GALNT9: variants seen among roughly 807,000 people sequenced by gnomAD.
GALNT9 encodes the protein polypeptide N-acetylgalactosaminyltransferase 9, also known as GalNAc transferase 9.
Under a neutral mutation model 63.1 loss-of-function variants are expected in GALNT9, and 47 were observed. The ratio of observed to expected loss-of-function variants is 0.75; its 90% CI spans 0.59 to 0.95. GALNT9 has a LOEUF of 0.95. Ranked by LOEUF, GALNT9 falls within the 40% of genes least tolerant of loss-of-function variation. The probability of loss-of-function intolerance (pLI) is 0.00; values close to 1 mark genes in which losing one functional copy is unlikely to be tolerated. For synonymous variants in GALNT9, 396 were observed against 365.7 expected (o/e 1.08, Z -0.94); for missense variants, 829 against 874.8 (o/e 0.95, Z 0.66).
intron 6 of GALNT9, among the ~76,000 whole-genome samples, chr12:132,226,551 C>T (rs1877696325): frequency 7.0e-6 from 1 of 143,836 alleles, no homozygotes; most frequent in Admixed American, 6.9e-5. Flanking sequence ...CAACCCACAC[C>T]CCACTGTATA....
At chr12:132,216,200 GAC>G (rs1196809474) in intron 6 of GALNT9, among the ~76,000 whole-genome samples, 1 of 152,186 alleles carries the variant, frequency 6.6e-6, no homozygotes, top group Non-Finnish European at 1.5e-5. Context: ...AGACATGAGA[GAC>G]AGACACGGAG....
At chr12:132,257,581 AGCCCTCGTCCCCG>A in intron 5 of GALNT9, 95 bp downstream of exon 5, 3 of 672,326 alleles carry the variant, frequency 4.5e-6, no homozygotes, top group South Asian at 4.2e-5. Flanking sequence ...CCTCGTCCCC[AGCCCTCGTCCCCG>A]GCCCTCATCC....
chr12:132,240,140 T>G (rs1237943522), intron 6 of GALNT9, among the ~76,000 whole-genome samples: 1 of 152,202 alleles, frequency 6.6e-6, no homozygotes, highest in Non-Finnish European at 1.5e-5. Flanking sequence ...ATTCAACAGT[T>G]GCTCCACTGA....
chr12:132,219,058 G>A (rs1239076023), intron 6 of GALNT9, among the ~76,000 whole-genome samples: 1 of 152,096 alleles, frequency 6.6e-6, no homozygotes, highest in Non-Finnish European at 1.5e-5. Flanking sequence ...GGAGCCGTTC[G>A]AGGAGAGCAG....
At chr12:132,219,256 C>T (rs7484687) in intron 6 of GALNT9, among the ~76,000 whole-genome samples, 90,309 of 152,100 alleles carry the variant, frequency 0.59, 26,988 homozygotes, top group East Asian at 0.77. Flanking sequence ...GCAGCTGTGA[C>T]GGATGAAATG....
chr12:132,250,987 G>A (rs1018743001), intron 5 of GALNT9, among the ~76,000 whole-genome samples: 5 of 152,186 alleles, frequency 3.3e-5, no homozygotes, highest in Non-Finnish European at 5.9e-5. Context: ...AGCAGCGCGC[G>A]CGTAAGACAC....
At chr12:132,300,642 A>G (rs930663331) in intron 1 of GALNT9, among the ~76,000 whole-genome samples, 1 of 147,536 alleles carries the variant, frequency 6.8e-6, no homozygotes, top group African/African-American at 2.6e-5. Flanking sequence ...CACTCCCACC[A>G]CACCTAACCC....
chr12:132,220,447 G>T (rs548640617), intron 6 of GALNT9, among the ~76,000 whole-genome samples: 1 of 152,300 alleles, frequency 6.6e-6, no homozygotes, highest in East Asian at 1.9e-4. Context: ...ATGAGTTTAT[G>T]GATCAAAACA....
In GALNT9 at chr12:132,245,853, C is replaced by A. The variant is rs1332590526; in HGVS notation, c.1077+2057G>T. On this transcript the variant is annotated intron_variant, in intron 6 of 10. Transcript: ENST00000328957. This position sits in a 1 kb window ranked among gnomAD's most constrained non-coding sequence, Gnocchi z 6.3. ...CCCTGGGCCCTTCCTGCTGAGGCGA[C>A]TTGTCTTTCACTGACGGTGGCTCTG... Among the ~76,000 whole-genome samples the A allele has an allele frequency of 6.6e-5, 10 of 152,216 alleles. No homozygotes were observed. Among genetic ancestry groups the A allele is most frequent in the African/African-American group, 2.4e-4 (10 of 41,452 alleles).
intron 6 of GALNT9, among the ~76,000 whole-genome samples, chr12:132,243,275 A>ACG (rs1487807318): frequency 7.4e-5 from 7 of 94,066 alleles, no homozygotes; most frequent in Admixed American, 3.2e-4. Flanking sequence ...CATTACACAC[A>ACG]CAACACACAC....
At chr12:132,273,904 G>C (rs540850676) in intron 2 of GALNT9, 2 of 152,248 alleles carry the variant, frequency 1.3e-5, no homozygotes, top group Non-Finnish European at 2.9e-5. Flanking sequence ...GGAGGCCTTC[G>C]GCGCATTTAG....
chr12:132,308,394 C>G (rs1263796447), intron 1 of GALNT9, among the ~76,000 whole-genome samples: 1 of 152,214 alleles, frequency 6.6e-6, no homozygotes, highest in Non-Finnish European at 1.5e-5. Context: ...CAAGCAGACC[C>G]CGAAACACCC....
chr12:132,239,320 TGAGAGAGA>T (rs782390451), intron 6 of GALNT9, among the ~76,000 whole-genome samples: 3 of 91,644 alleles, frequency 3.3e-5, no homozygotes, highest in Admixed American at 1.0e-4. Flanking sequence ...ACTGAGAGAC[TGAGAGAGA>T]GAGACAGAGT....
chr12:132,268,093 CCA>C (rs1566006408), intron 2 of GALNT9, among the ~76,000 whole-genome samples: 1 of 138,196 alleles, frequency 7.2e-6, no homozygotes, highest in Non-Finnish European at 1.5e-5. Context: ...GCACACAAAC[CCA>C]CACGCGCACT....
chr12:132,297,175 AC>A, intron 1 of GALNT9, among the ~76,000 whole-genome samples: 1 of 151,776 alleles, frequency 6.6e-6, no homozygotes, highest in Non-Finnish European at 1.5e-5. Flanking sequence ...TCCCATGATA[AC>A]CAACTCACTC....
chr12:132,325,614 G>A (rs1487896060), intron 1 of GALNT9, among the ~76,000 whole-genome samples: 2 of 152,180 alleles, frequency 1.3e-5, no homozygotes, highest in Admixed American at 1.3e-4. Context: ...CAGAAACCTA[G>A]GTCCCTCTGA....
intron 6 of GALNT9, among the ~76,000 whole-genome samples, chr12:132,244,185 T>G (rs1593081418): frequency 8.3e-6 from 1 of 121,168 alleles, no homozygotes; most frequent in East Asian, 2.4e-4. Context: ...GAGCACAAGG[T>G]GGGAGGAGGG....
chr12:132,293,235 G>A (rs1419081474), intron 1 of GALNT9, among the ~76,000 whole-genome samples: 4 of 152,216 alleles, frequency 2.6e-5, no homozygotes, highest in Non-Finnish European at 5.9e-5. Context: ...GCTTCCCAGG[G>A]AAATACAGTC....
At chr12:132,313,945 CCCACCCAT>C (rs1881924580) in intron 1 of GALNT9, among the ~76,000 whole-genome samples, 1 of 133,970 alleles carries the variant, frequency 7.5e-6, no homozygotes, top group Non-Finnish European at 1.6e-5. Flanking sequence ...CACCCATCCA[CCCACCCAT>C]CCATCCACCC....
Sources: allele counts gnomAD v4.1 joint callset (sites outside exome capture counted in the v4.1 genomes callset), GRCh38; gene constraint gnomAD v4.1.1; non-coding constraint Gnocchi (gnomAD v3.1); transcripts MANE v1.5; gene names NCBI Gene and HGNC (gene_info 2026-07-23, HGNC 2026-07-21).